DPEP1: variants seen among roughly 807,000 people sequenced by gnomAD.
DPEP1 encodes the protein beta-lactamase.
A neutral mutation model predicts 42.3 loss-of-function variants in DPEP1; 50 were observed. That is an observed-to-expected ratio of 1.18 (90% confidence interval 0.94 to 1.50). DPEP1 has a LOEUF of 1.50. Among genes scored for constraint, DPEP1 ranks in the 40% most tolerant of loss-of-function variants. DPEP1 has a pLI of 0.00. For missense variants in DPEP1, 663 were observed against 553.0 expected, an observed-to-expected ratio of 1.20 and a Z score of -1.99; for synonymous variants, 297 against 234.0, an observed-to-expected ratio of 1.27 and a Z score of -2.46.
rs765227873 is a variant in DPEP1, at chr16:89,636,402, G to T, written c.370+6G>T. The T allele has an allele frequency of 1.2e-6, 2 of 1,609,906 alleles. No homozygotes were observed. Among genetic ancestry groups the T allele is most frequent in the Non-Finnish European group, 1.7e-6 (2 of 1,178,294 alleles). ...GTATGTCACCAGCAGTGCAGGTGGG[G>T]TCCTGACCTGGGTCCTCCAGGTCCT... On this transcript the variant is annotated splice_donor_region_variant and intron_variant, in intron 4 of 10. Transcript: ENST00000690203.
intron 2 of DPEP1, among the ~76,000 whole-genome samples, chr16:89,633,016 C>A (rs142099578): frequency 0.015 from 2,227 of 152,218 alleles, 26 homozygotes; most frequent in South Asian, 0.037. Context: ...AGGGCGGCTC[C>A]TGGGGTCCTA....
chr16:89,640,679 G>A (rs1444558520), downstream of DPEP1: 3 of 977,826 alleles, frequency 3.1e-6, no homozygotes, highest in Non-Finnish European at 3.6e-6. Context: ...TCTGGGATTG[G>A]AGACTCGGGG....
chr16:89,623,370 C>A (rs953144104), intron 1 of DPEP1, among the ~76,000 whole-genome samples: 2 of 152,114 alleles, frequency 1.3e-5, no homozygotes, highest in African/African-American at 4.8e-5. Context: ...CCACACAAAG[C>A]CTGGGGTCGA....
intron 1 of DPEP1, among the ~76,000 whole-genome samples, chr16:89,616,665 A>T (rs1172836592): frequency 6.6e-6 from 1 of 152,158 alleles, no homozygotes; most frequent in African/African-American, 2.4e-5. Context: ...AGTAGCGCAG[A>T]TTGGGACGGC....
At chr16:89,621,115 CTG>C (rs1386591898) in intron 1 of DPEP1, among the ~76,000 whole-genome samples, 1 of 151,926 alleles carries the variant, frequency 6.6e-6, no homozygotes, top group Non-Finnish European at 1.5e-5. Context: ...TCTGGGGTGA[CTG>C]TGTCTGGAGG....
At chr16:89,633,906 G>A (rs540802530) in intron 2 of DPEP1, among the ~76,000 whole-genome samples, 1 of 152,188 alleles carries the variant, frequency 6.6e-6, no homozygotes, top group South Asian at 2.1e-4. Flanking sequence ...ACAGGAAGGA[G>A]ACTGAGGCCC....
downstream of DPEP1, among the ~76,000 whole-genome samples, chr16:89,641,353 G>A (rs1359230723): frequency 6.6e-6 from 1 of 152,180 alleles, no homozygotes; most frequent in Non-Finnish European, 1.5e-5. Flanking sequence ...AGGCACTGAC[G>A]TGACCGCTAG....
chr16:89,627,857 A>C (rs2059536213), intron 1 of DPEP1, among the ~76,000 whole-genome samples: 1 of 151,420 alleles, frequency 6.6e-6, no homozygotes, highest in Admixed American at 6.6e-5. Flanking sequence ...AAGGGGTTTC[A>C]CCATGTTGGT....
intron 1 of DPEP1, among the ~76,000 whole-genome samples, chr16:89,628,670 A>G (rs963637797): frequency 2.0e-5 from 3 of 151,952 alleles, no homozygotes; most frequent in Non-Finnish European, 4.4e-5. Context: ...CTCTCCTGTC[A>G]CTCAGTTTCT....
At position 89,636,866 on chromosome 16, in the gene DPEP1, G is replaced by A; in HGVS notation, c.522G>A (p.Trp174Ter). The change falls in exon 6 of 11, where the codon TGG becomes TGA. Residue 174 changes from tryptophan (W) to a stop codon, truncating the protein, a stop_gained and splice_region_variant. Transcript: ENST00000690203. LOFTEE classifies it high-confidence loss of function. ...GGGCACCTGCCTTTTGCTTCTCCAG[G>A]GCTGACAACTGGCTGGTGGACACGG... ...LTLTHSCNTP[W>*]ADNWLVDTGD... 1 of 1,612,518 alleles carries A rather than the reference G, an allele frequency of 6.2e-7. No homozygotes were observed. The highest frequency in any genetic ancestry group is 8.5e-7 in the Non-Finnish European group (1 of 1,179,924).
chr16:89,636,826 C>G (rs1435144644), intron 5 of DPEP1, 40 bp from the exon 6 acceptor site: 1 of 1,610,538 alleles, frequency 6.2e-7, no homozygotes. Flanking sequence ...AGGCCGAGAC[C>G]ACCGCTCACC....
At chr16:89,626,859 T>C (rs1215192507) in intron 1 of DPEP1, among the ~76,000 whole-genome samples, 1 of 152,012 alleles carries the variant, frequency 6.6e-6, no homozygotes, top group East Asian at 1.9e-4. Context: ...GGCTCATGCC[T>C]GTAATCCCAA....
intron 1 of DPEP1, among the ~76,000 whole-genome samples, chr16:89,621,990 G>A (rs2059452164): frequency 6.6e-6 from 1 of 152,172 alleles, no homozygotes; most frequent in Non-Finnish European, 1.5e-5. Context: ...GGTTCTGGGA[G>A]ACAGAGCTGG....
chr16:89,633,499 C>T lies in DPEP1; in HGVS notation c.105-2409C>T, dbSNP rs1484561108. The stretch of plus-strand genomic sequence containing the variant: ...CCCTGAGGAGCTCCATGGGTGCATT[C>T]GCCTTGGAAAAGCTCATTGCGGGCA... On this transcript the variant is annotated intron_variant, in intron 2 of 10. Transcript: ENST00000690203. Among the ~76,000 whole-genome samples the T allele has an allele frequency of 2.6e-5, 4 of 152,336 alleles. No individual in the cohort carries two copies. In the East Asian group the frequency reaches 5.8e-4, roughly 22 times the overall value.
At chr16:89,620,987 A>G (rs1329346289) in intron 1 of DPEP1, among the ~76,000 whole-genome samples, 1 of 152,270 alleles carries the variant, frequency 6.6e-6, no homozygotes, top group African/African-American at 2.4e-5. Flanking sequence ...CGAGAGTCTC[A>G]GAGGATGGAA....
intron 1 of DPEP1, among the ~76,000 whole-genome samples, chr16:89,622,864 G>T (rs1182674686): frequency 6.6e-6 from 1 of 152,138 alleles, no homozygotes; most frequent in African/African-American, 2.4e-5. Context: ...TGGGAAGGAG[G>T]AAGTGAATGG....
In DPEP1 at chr16:89,631,726, G is replaced by A. The variant is rs577901706; in HGVS notation, c.104+1212G>A. ...CAAAAAATTAGCCAGGCATGGTGGC[G>A]CATGCCTGTAGTCCCAGATACTCAG... is the stretch of plus-strand genomic sequence containing the variant. On this transcript the variant is annotated intron_variant, in intron 2 of 10. Transcript: ENST00000690203. Among the ~76,000 whole-genome samples the A allele has an allele frequency of 5.3e-5, 8 of 152,246 alleles. No individual in the cohort carries two copies. The East Asian group carries it at 7.8e-4, about 15-fold the overall frequency.
chr16:89,636,084 C>A, intron 3 of DPEP1, 44 bp downstream of exon 3: 1 of 1,575,414 alleles, frequency 6.3e-7, no homozygotes. Flanking sequence ...TGGGGTCATC[C>A]CGTCTCCTAC....
At chr16:89,623,943 C>T (rs930764484) in intron 1 of DPEP1, among the ~76,000 whole-genome samples, 1 of 152,154 alleles carries the variant, frequency 6.6e-6, no homozygotes. Context: ...AAAGAGGCAG[C>T]TCCAGGCCTG....
Sources: allele counts gnomAD v4.1 joint callset (sites outside exome capture counted in the v4.1 genomes callset), GRCh38; gene constraint gnomAD v4.1.1; transcripts MANE v1.5; gene names NCBI Gene and HGNC (gene_info 2026-07-23, HGNC 2026-07-21).